The following STX3 variants were observed in gnomAD, a reference collection of about 807,000 sequenced individuals.
STX3 encodes the protein syntaxin-3.
In STX3, 19 loss-of-function variants were observed where a neutral mutation model predicts 40.2. The ratio of observed to expected loss-of-function variants is 0.47; its 90% CI spans 0.33 to 0.69. STX3 has a LOEUF of 0.69. Among genes scored for constraint, STX3 ranks in the 30% least tolerant of loss-of-function variants. STX3 has a pLI of 0.02. For synonymous variants in STX3, 122 were observed against 132.2 expected (o/e 0.92, Z 0.53); for missense variants, 364 against 366.7 (o/e 0.99, Z 0.06).
At chr11:59,770,779 A>G (rs753561288) in intron 1 of STX3, among the ~76,000 whole-genome samples, 5 of 152,322 alleles carry the variant, frequency 3.3e-5, no homozygotes, top group African/African-American at 1.2e-4. Context: ...TACAGTGCTC[A>G]GTTTTAATTG....
At chr11:59,797,805 T>C (rs1157746476) in intron 10 of STX3, among the ~76,000 whole-genome samples, 8 of 152,238 alleles carry the variant, frequency 5.3e-5, no homozygotes, top group Admixed American at 4.6e-4. Context: ...TCCTTTTCAA[T>C]GTAAATGAAA....
rs373700164 is a variant in STX3 at position 59,787,019 on chromosome 11, T to C, written c.115-18T>C. 2.5e-6 allele frequency: 4 copies of C among 1,606,490 alleles called. No individual in the cohort carries two copies. The highest frequency in any genetic ancestry group is 3.4e-6 in the Non-Finnish European group (4 of 1,173,306). On this transcript the variant is annotated intron_variant, in intron 2 of 10. Transcript: ENST00000337979. ...ACTTCCTCTTTGATGATGAAGGTTA[T>C]TGTCTTTCTGATTATAGATTGAGGA... is the stretch of plus-strand genomic sequence containing the variant.
chr11:59,777,856 G>A (rs1270847900), intron 2 of STX3, among the ~76,000 whole-genome samples: 2 of 152,190 alleles, frequency 1.3e-5, no homozygotes, highest in Admixed American at 1.3e-4. Flanking sequence ...AGTGGGTCCG[G>A]ATTACTTCTG....
At chr11:59,775,690 G>A (rs1043441017) in intron 2 of STX3, among the ~76,000 whole-genome samples, 2 of 152,220 alleles carry the variant, frequency 1.3e-5, no homozygotes, top group African/African-American at 4.8e-5. Context: ...ATGCCATGAG[G>A]ATCATATGAG....
chr11:59,788,853 G>C lies in STX3; in HGVS notation c.215-20G>C, dbSNP rs1244521142. On this transcript the variant is annotated intron_variant, in intron 3 of 10. Transcript: ENST00000337979. ...AGTCCTCTCCTTTCTAACGGATTCT[G>C]CCTGCCTTTATTTACCCAGAAACCA... The C allele has an allele frequency of 6.2e-7, 1 of 1,607,500 alleles. No individual in the cohort carries two copies. The highest frequency in any genetic ancestry group is 1.7e-5 in the Admixed American group (1 of 59,280).
At position 59,762,162 on chromosome 11, in the gene STX3, C is replaced by T. The variant is rs74957164; in HGVS notation, c.30+6527C>T. Among the ~76,000 whole-genome samples, 778 of 152,276 alleles carry T rather than the reference C, an allele frequency of 5.1e-3. 6 individuals are homozygous for T. The highest frequency in any genetic ancestry group is 7.3e-3 in the African/African-American group (303 of 41,548). ...AGTCTCTTGTTTTTTGTGACCTTGG[C>T]GGCAGGGCTCCGGCATCTGTTTTCT... On this transcript the variant is annotated intron_variant, in intron 1 of 10. Transcript: ENST00000337979.
chr11:59,769,603 G>C (rs1012607366), intron 1 of STX3, among the ~76,000 whole-genome samples: 1 of 152,148 alleles, frequency 6.6e-6, no homozygotes, highest in Non-Finnish European at 1.5e-5. Context: ...GGCTACATCT[G>C]CACAAAGCTA....
At chr11:59,795,852 A>G (rs1340574808) in intron 9 of STX3, 10 of 720,626 alleles carry the variant, frequency 1.4e-5, no homozygotes. Flanking sequence ...AGCTTTTCCT[A>G]GAGACAAGCT....
chr11:59,765,998 C>A (rs750097928), intron 1 of STX3, among the ~76,000 whole-genome samples: 1 of 152,180 alleles, frequency 6.6e-6, no homozygotes, highest in Non-Finnish European at 1.5e-5. Flanking sequence ...GCTGCCCCAC[C>A]GGCCCACAAA....
chr11:59,755,940 T>C (rs1441108151), intron 1 of STX3, among the ~76,000 whole-genome samples: 2 of 152,160 alleles, frequency 1.3e-5, no homozygotes, highest in Non-Finnish European at 2.9e-5. Flanking sequence ...AGGTCAGGGG[T>C]CCCTTCACCA....
rs889846852 is a variant in STX3, at chr11:59,755,639, A to G, written c.30+4A>G. On this transcript the variant is annotated splice_donor_region_variant and intron_variant, in intron 1 of 10. Coordinates refer to ENST00000337979, the MANE Select transcript of STX3 (RefSeq NM_004177.5). ...CCGTCTGGAGCAGCTGAAGGCCGTGAGTTTCGCCGCAGGCGGGGTGCTGCC... is the reference window on the plus strand; with the variant it reads ...CCGTCTGGAGCAGCTGAAGGCCGTGGGTTTCGCCGCAGGCGGGGTGCTGCC... 1.3e-6 allele frequency: 2 copies of G among 1,592,592 alleles called. No homozygotes were observed. The highest frequency in any genetic ancestry group is 1.7e-6 in the Non-Finnish European group (2 of 1,175,504).
At chr11:59,794,133 G>T (rs1236988683) in intron 8 of STX3, among the ~76,000 whole-genome samples, 3 of 151,598 alleles carry the variant, frequency 2.0e-5, no homozygotes, top group Non-Finnish European at 4.4e-5. Flanking sequence ...CTTTTGCTAA[G>T]GCACAGAGCA....
chr11:59,768,771 G>A (rs1003946791), intron 1 of STX3, among the ~76,000 whole-genome samples: 7 of 152,122 alleles, frequency 4.6e-5, no homozygotes, highest in African/African-American at 1.4e-4. Flanking sequence ...GGACCAGAGA[G>A]ATAATGGAGG....
At position 59,755,564 on chromosome 11, in the gene STX3, A is replaced by G; in HGVS notation, c.-42A>G. On this transcript the variant is annotated 5_prime_UTR_variant, in exon 1 of 11. Coordinates refer to ENST00000337979, the MANE Select transcript of STX3 (RefSeq NM_004177.5). Reference sequence around the variant, plus strand: ...GGAAGCGCTCACCTGGGACGCGCTCACCTGGGACGCGCTACCTGCCTCCGG... The same window carrying G: ...GGAAGCGCTCACCTGGGACGCGCTCGCCTGGGACGCGCTACCTGCCTCCGG... 6.3e-7 allele frequency: 1 copy of G among 1,589,706 alleles called. No individual in the cohort carries two copies. The highest frequency in any genetic ancestry group is 8.5e-7 in the Non-Finnish European group (1 of 1,175,026).
rs2229915 is a variant in STX3, at chr11:59,773,224, A to G, written c.44A>G (p.Gln15Arg). 7,210 of 1,614,176 alleles carry G rather than the reference A, an allele frequency of 4.5e-3. 35 individuals carry two copies. Among genetic ancestry groups the G allele is most frequent in the African/African-American group, 8.9e-3 (670 of 75,060 alleles). ...TGCCTTTTGCAGAAGCAGCTGACAC[A>G]GGATGATGATACTGATGCGGTTGAG... ...LEQLKAKQLT[Q>R]DDDTDAVEIA... Residue 15 changes from glutamine (Q) to arginine (R), a missense_variant, in exon 2 of 11, where the codon CAG becomes CGG. Coordinates refer to ENST00000337979, the MANE Select transcript of STX3 (RefSeq NM_004177.5).
intron 2 of STX3, among the ~76,000 whole-genome samples, chr11:59,786,223 CT>C (rs1864760306): frequency 6.7e-6 from 1 of 150,098 alleles, no homozygotes; most frequent in Non-Finnish European, 1.5e-5. Context: ...TCCTTGTTTT[CT>C]TTATCTGTTT....
chr11:59,760,730 T>A (rs1285714086), intron 1 of STX3, among the ~76,000 whole-genome samples: 1 of 152,224 alleles, frequency 6.6e-6, no homozygotes, highest in Non-Finnish European at 1.5e-5. Context: ...ATTATTCTCG[T>A]TTTACAAGTG....
intron 1 of STX3, among the ~76,000 whole-genome samples, chr11:59,768,364 A>G (rs1863390429): frequency 6.6e-6 from 1 of 152,202 alleles, no homozygotes; most frequent in Non-Finnish European, 1.5e-5. Context: ...TTGAGCTTGA[A>G]GTTGAGACTG....
rs972116681 is a variant in STX3 at position 59,788,905 on chromosome 11, G to A, written c.247G>A (p.Glu83Lys). The change falls in exon 4 of 11, where the codon GAG becomes AAG. Residue 83 changes from glutamate (E) to lysine (K), a missense_variant. Glu to Lys is a moderately conservative substitution (Grantham distance 56, BLOSUM62 1). Transcript: ENST00000337979. ...TKDDLEQLTT[E>K]IKKRANNVRN... is the part of the protein sequence containing the mutation. ...GGATGACCTAGAGCAGCTCACGACT[G>A]AGATTAAGAAAAGGGCCAACAACGT... 6.2e-7 allele frequency: 1 copy of A among 1,612,446 alleles called. No individual in the cohort carries two copies. The highest frequency in any genetic ancestry group is 8.5e-7 in the Non-Finnish European group (1 of 1,179,320).
Sources: gnomAD v4.1 joint callset for allele counts (sites outside exome capture counted in the v4.1 genomes callset) on GRCh38, gnomAD v4.1.1 for gene constraint, MANE v1.5 for transcripts, NCBI Gene and HGNC (gene_info 2026-07-23, HGNC 2026-07-21) for gene names.